The following DNM3 variants were observed in gnomAD, a reference collection of about 807,000 sequenced individuals.
DNM3 encodes dynamin-3.
A neutral mutation model predicts 101.6 loss-of-function variants in DNM3; 47 were observed. That is an observed-to-expected ratio of 0.46 (90% CI 0.37 to 0.59). DNM3 has a LOEUF of 0.59. Among genes scored for constraint, DNM3 ranks in the 20% least tolerant of loss-of-function variants. The pLI is 0.00. For missense variants in DNM3, 849 were observed against 1,085.7 expected (o/e 0.78, Z 3.06); for synonymous variants, 385 against 387.9 (o/e 0.99, Z 0.09).
At chr1:172,051,702 T>C (rs967612221) in intron 10 of DNM3, among the ~76,000 whole-genome samples, 3 of 152,204 alleles carry the variant, frequency 2.0e-5, no homozygotes, top group Admixed American at 2.0e-4. Context: ...AAAATGTGTC[T>C]GGGCCTTGCT....
chr1:172,261,135 C>T (rs987235521), intron 15 of DNM3, among the ~76,000 whole-genome samples: 2 of 152,136 alleles, frequency 1.3e-5, no homozygotes, highest in African/African-American at 4.8e-5. Flanking sequence ...TTATTGGGAT[C>T]TGTTGCTGGA....
At chr1:171,853,647 T>C (rs941304571) in intron 1 of DNM3, among the ~76,000 whole-genome samples, 4 of 152,192 alleles carry the variant, frequency 2.6e-5, no homozygotes, top group Admixed American at 2.6e-4. Context: ...TCAAAACATC[T>C]TTTTGGTCAG....
chr1:172,187,235 C>A (rs2059558410), intron 14 of DNM3, among the ~76,000 whole-genome samples: 1 of 152,012 alleles, frequency 6.6e-6, no homozygotes, highest in African/African-American at 2.4e-5. Context: ...TTTTTCACAC[C>A]ACTTACGCTT....
chr1:172,034,230 A>G (rs1435029689), intron 6 of DNM3, among the ~76,000 whole-genome samples: 1 of 152,144 alleles, frequency 6.6e-6, no homozygotes, highest in Non-Finnish European at 1.5e-5. Flanking sequence ...TAAAGTTTAT[A>G]CTTTTTAATT....
chr1:172,234,957 A>G (rs2061481393), intron 14 of DNM3, among the ~76,000 whole-genome samples: 1 of 152,226 alleles, frequency 6.6e-6, no homozygotes, highest in Non-Finnish European at 1.5e-5. Context: ...CTTCATGACT[A>G]AAACACCAAA....
chr1:172,000,676 A>G (rs1346283240), intron 4 of DNM3, among the ~76,000 whole-genome samples: 1 of 152,032 alleles, frequency 6.6e-6, no homozygotes, highest in Non-Finnish European at 1.5e-5. Flanking sequence ...TGTTTCACCC[A>G]ATGGAGATAA....
At chr1:172,195,533 A>G (rs1412192373) in intron 14 of DNM3, among the ~76,000 whole-genome samples, 1 of 151,896 alleles carries the variant, frequency 6.6e-6, no homozygotes, top group Non-Finnish European at 1.5e-5. Flanking sequence ...GTGTCTCACC[A>G]TTAAGTATGA....
chr1:172,019,700 T>C (rs1008475051), intron 4 of DNM3, among the ~76,000 whole-genome samples: 2 of 152,118 alleles, frequency 1.3e-5, no homozygotes, highest in Admixed American at 6.5e-5. Flanking sequence ...GATGTTTCTA[T>C]TGAAATATGC....
chr1:172,287,984 C>T (rs935881690), intron 15 of DNM3, among the ~76,000 whole-genome samples: 1 of 151,936 alleles, frequency 6.6e-6, no homozygotes, highest in Non-Finnish European at 1.5e-5. Context: ...TGTGTCTGAC[C>T]AAGGAAAAGT....
chr1:172,247,655 T>TCTTACTTA (rs1553207715), intron 14 of DNM3, among the ~76,000 whole-genome samples: 69 of 144,722 alleles, frequency 4.8e-4, no homozygotes, highest in Admixed American at 1.1e-3. Flanking sequence ...TATTATTATT[T>TCTTACTTA]CTTATTTATT....
intron 14 of DNM3, among the ~76,000 whole-genome samples, chr1:172,162,030 G>C (rs573433203): frequency 7.6e-4 from 115 of 152,184 alleles, no homozygotes; most frequent in African/African-American, 2.6e-3. Flanking sequence ...GGAATTAAAA[G>C]AGCTTTGTCT....
intron 6 of DNM3, among the ~76,000 whole-genome samples, chr1:172,034,743 T>C (rs1278914277): frequency 1.3e-5 from 2 of 152,112 alleles, no homozygotes; most frequent in Admixed American, 1.3e-4. Context: ...ATAATTTATA[T>C]GGAAAATGCT....
intron 20 of DNM3, among the ~76,000 whole-genome samples, chr1:172,396,969 T>A (rs1221383661): frequency 6.6e-6 from 1 of 152,204 alleles, no homozygotes; most frequent in Non-Finnish European, 1.5e-5. Context: ...CTGTACCATG[T>A]GTATTTTTTT....
At chr1:172,037,587 A>G (rs2049062269) in intron 6 of DNM3, among the ~76,000 whole-genome samples, 1 of 152,296 alleles carries the variant, frequency 6.6e-6, no homozygotes, top group African/African-American at 2.4e-5. Context: ...TGTAAGACCT[A>G]AACAATCTGG....
In DNM3 at chr1:171,928,726, A is replaced by G. The variant is rs972574587; in HGVS notation, c.235+6905A>G. 8.5e-5 allele frequency among the ~76,000 whole-genome samples: 13 copies of G among 152,272 alleles called. No individual in the cohort carries two copies. The East Asian group carries it at 2.5e-3, about 29-fold the overall frequency. On this transcript the variant is annotated intron_variant, in intron 2 of 20. Transcript: ENST00000627582. ...TTAGTTGCTCCCGGAGGCTTTGTCCAGGGAATTGCCAAGCTGCTACTGGCT... is the reference window on the plus strand; with the variant it reads ...TTAGTTGCTCCCGGAGGCTTTGTCCGGGGAATTGCCAAGCTGCTACTGGCT...
intron 1 of DNM3, among the ~76,000 whole-genome samples, chr1:171,852,064 G>A (rs1182832073): frequency 6.6e-6 from 1 of 151,948 alleles, no homozygotes; most frequent in African/African-American, 2.4e-5. Flanking sequence ...TATTCCACTA[G>A]GATGAATTAA....
At chr1:172,062,220 A>G (rs1369355610) in intron 10 of DNM3, among the ~76,000 whole-genome samples, 1 of 152,152 alleles carries the variant, frequency 6.6e-6, no homozygotes, top group African/African-American at 2.4e-5. Context: ...TCTACCAGAG[A>G]TAAACTTGGG....
At chr1:172,372,167 TTGGTTTTTTGTTCTTGCGATAG>T (rs1186623596) in intron 17 of DNM3, among the ~76,000 whole-genome samples, 1 of 148,944 alleles carries the variant, frequency 6.7e-6, no homozygotes, top group Non-Finnish European at 1.5e-5. Context: ...TATGCGGTGT[TTGGTTTTTTGTTCTTGCGATAG>T]TTTACTGAGA....
At chr1:172,226,693 C>T (rs1022765537) in intron 14 of DNM3, among the ~76,000 whole-genome samples, 1 of 152,172 alleles carries the variant, frequency 6.6e-6, no homozygotes, top group Non-Finnish European at 1.5e-5. Flanking sequence ...ACAATAAGCA[C>T]TCAACCAATG....
Sources: allele counts gnomAD v4.1 joint callset (sites outside exome capture counted in the v4.1 genomes callset), GRCh38; gene constraint gnomAD v4.1.1; transcripts MANE v1.5; gene names NCBI Gene and HGNC (gene_info 2026-07-23, HGNC 2026-07-21).